RAB6A: variants seen among roughly 807,000 people sequenced by gnomAD.
The protein encoded by RAB6A is ras-related protein Rab-6A.
Under a neutral mutation model 32.3 loss-of-function variants are expected in RAB6A, and 8 were observed. The observed-to-expected ratio is 0.25, with a 90% confidence interval of 0.15 to 0.45. The LOEUF is 0.45. Ranked by LOEUF, RAB6A falls within the 20% of genes least tolerant of loss-of-function variation. The pLI, the probability that RAB6A is intolerant of heterozygous loss-of-function variation, is 1.00. For missense variants in RAB6A, 104 were observed against 249.4 expected (o/e 0.42, Z 3.93); for synonymous variants, 73 against 82.1 (o/e 0.89, Z 0.60).
At chr11:73,743,584 T>G (rs1366543711) in intron 1 of RAB6A, among the ~76,000 whole-genome samples, 1 of 151,726 alleles carries the variant, frequency 6.6e-6, no homozygotes, top group Non-Finnish European at 1.5e-5. Context: ...ACAGGATCAC[T>G]GCAGCCTGGG....
intron 5 of RAB6A, among the ~76,000 whole-genome samples, chr11:73,714,863 G>A (rs1006921604): frequency 1.3e-5 from 2 of 152,018 alleles, no homozygotes; most frequent in Admixed American, 6.6e-5. Context: ...CTACTCAGGA[G>A]GCTGAGGCAG....
chr11:73,750,668 C>T (rs1284625084), intron 1 of RAB6A, among the ~76,000 whole-genome samples: 3 of 152,044 alleles, frequency 2.0e-5, no homozygotes, highest in African/African-American at 7.2e-5. Flanking sequence ...AGATTTCCTT[C>T]CTTTTTAAGG....
chr11:73,756,870 T>C (rs1163800487), intron 1 of RAB6A, among the ~76,000 whole-genome samples: 9 of 151,492 alleles, frequency 5.9e-5, no homozygotes, highest in Admixed American at 5.9e-4. Flanking sequence ...GATGGGATTT[T>C]GCCATGTTGG....
At chr11:73,720,705 A>G (rs1946122991) in intron 3 of RAB6A, 141 bp downstream of exon 3, 1 of 651,276 alleles carries the variant, frequency 1.5e-6, no homozygotes, top group South Asian at 2.1e-5. Flanking sequence ...TCACTCGGTA[A>G]TAAGAGTTTT....
At chr11:73,693,300 AAAT>A (rs1945605727) in intron 6 of RAB6A, among the ~76,000 whole-genome samples, 1 of 151,362 alleles carries the variant, frequency 6.6e-6, no homozygotes, top group Non-Finnish European at 1.5e-5. Flanking sequence ...AAAAATAAAT[AAAT>A]AAATAAATAA....
chr11:73,698,733 A>G (rs1945693610), intron 6 of RAB6A, among the ~76,000 whole-genome samples: 1 of 151,654 alleles, frequency 6.6e-6, no homozygotes, highest in Admixed American at 6.6e-5. Context: ...TATTTACACT[A>G]TGTGTGCTAG....
chr11:73,710,306 T>C (rs557121260), intron 5 of RAB6A, among the ~76,000 whole-genome samples: 2 of 147,470 alleles, frequency 1.4e-5, no homozygotes, highest in African/African-American at 5.0e-5. Flanking sequence ...ATTAATCTTA[T>C]ATCTGTATTT....
At chr11:73,757,824 C>T (rs990109188) in intron 1 of RAB6A, among the ~76,000 whole-genome samples, 2 of 152,192 alleles carry the variant, frequency 1.3e-5, no homozygotes, top group African/African-American at 2.4e-5. Context: ...GCTTTCGTTA[C>T]TACTAGATTC....
intron 6 of RAB6A, among the ~76,000 whole-genome samples, chr11:73,705,810 A>G (rs1590845474): frequency 1.6e-5 from 2 of 125,030 alleles, no homozygotes; most frequent in Admixed American, 8.0e-5. Context: ...GAGATTTTCA[A>G]TATACTATGG....
Position 73,723,379 on chromosome 11 carries a change from G to A in RAB6A, c.130-2480C>T, listed in dbSNP as rs570540695. On this transcript the variant is annotated intron_variant, in intron 2 of 7. Transcript: ENST00000336083. Reference sequence around the variant, plus strand: ...CTTGCTCTGTCACCCAGGCTGGAGTGCAGTGGGGTGATCTTGGCTCACTGC... The same window carrying A: ...CTTGCTCTGTCACCCAGGCTGGAGTACAGTGGGGTGATCTTGGCTCACTGC... Among the ~76,000 whole-genome samples, 12 of 152,144 alleles carry A rather than the reference G, an allele frequency of 7.9e-5. No individual in the cohort carries two copies. In the South Asian group the frequency reaches 2.3e-3, roughly 29 times the overall value.
At chr11:73,692,452 G>A (rs1367891903) in intron 6 of RAB6A, among the ~76,000 whole-genome samples, 1 of 135,756 alleles carries the variant, frequency 7.4e-6, no homozygotes, top group Non-Finnish European at 1.5e-5. Flanking sequence ...ACAGTGAGCC[G>A]AGATTGCGCC....
Position 73,679,627 on chromosome 11 carries a change from A to T in RAB6A, c.562+27T>A, listed in dbSNP as rs371059568. ...TCTAAAGACTAGTGTTAATAATGAA[A>T]AATTTCCAATGAAATAAAAAGGATA... On this transcript the variant is annotated intron_variant, in intron 7 of 7. Coordinates refer to ENST00000336083, the MANE Select transcript of RAB6A (RefSeq NM_198896.2). The T allele has an allele frequency of 1.4e-5, 22 of 1,613,076 alleles. No individual in the cohort carries two copies. The Admixed American group carries it at 3.5e-4, about 26-fold the overall frequency.
intron 1 of RAB6A, among the ~76,000 whole-genome samples, chr11:73,752,749 C>T (rs1946686958): frequency 6.7e-6 from 1 of 148,150 alleles, no homozygotes; most frequent in African/African-American, 2.5e-5. Flanking sequence ...GCCTGGAAGG[C>T]ACAGGTTGCG....
intron 4 of RAB6A, among the ~76,000 whole-genome samples, 174 bp downstream of exon 4, chr11:73,718,439 A>G (rs1231612873): frequency 6.6e-6 from 1 of 152,216 alleles, no homozygotes; most frequent in Non-Finnish European, 1.5e-5. Context: ...TTACATATAA[A>G]GCATATTGGT....
chr11:73,705,258 A>G (rs2057961535), intron 6 of RAB6A, among the ~76,000 whole-genome samples: 1 of 151,900 alleles, frequency 6.6e-6, no homozygotes, highest in South Asian at 2.1e-4. Context: ...TCTCTAAAAG[A>G]GAAAGCCAGC....
intron 1 of RAB6A, among the ~76,000 whole-genome samples, chr11:73,738,047 A>G (rs540154721): frequency 4.0e-5 from 6 of 151,854 alleles, no homozygotes; most frequent in Non-Finnish European, 7.4e-5. Flanking sequence ...AAAAACCACT[A>G]AACTGTATAC....
intron 2 of RAB6A, among the ~76,000 whole-genome samples, chr11:73,727,192 C>T (rs11235881): frequency 0.1 from 15,765 of 152,084 alleles, 900 homozygotes; most frequent in South Asian, 0.27. Flanking sequence ...CTTTGAGAGG[C>T]TGAGGCAGGA....
intron 1 of RAB6A, among the ~76,000 whole-genome samples, chr11:73,751,496 G>A (rs1946668175): frequency 6.6e-6 from 1 of 152,090 alleles, no homozygotes; most frequent in Non-Finnish European, 1.5e-5. Context: ...GAATTGTCTG[G>A]GCCAAGTACA....
intron 4 of RAB6A, among the ~76,000 whole-genome samples, chr11:73,718,219 T>C (rs540149710): frequency 1.6e-4 from 25 of 152,172 alleles, no homozygotes; most frequent in Non-Finnish European, 3.4e-4. Context: ...AAGCTTGTAA[T>C]AGCCTCAATA....
Sources: allele counts gnomAD v4.1 joint callset (sites outside exome capture counted in the v4.1 genomes callset), GRCh38; gene constraint gnomAD v4.1.1; transcripts MANE v1.5; gene names NCBI Gene and HGNC (gene_info 2026-07-23, HGNC 2026-07-21).